Variants in EML2 observed in about 807,000 individuals in gnomAD.
The protein encoded by EML2 is echinoderm microtubule-associated protein-like 2.
In EML2, 59 loss-of-function variants were observed where a neutral mutation model predicts 84.7. The observed-to-expected ratio is 0.70, with a 90% CI of 0.56 to 0.86. The LOEUF is 0.86. Ranked by LOEUF, EML2 falls within the 40% of genes least tolerant of loss-of-function variation. The pLI is 0.00. For synonymous variants in EML2, 352 were observed against 348.9 expected (o/e 1.01, Z -0.10); for missense variants, 818 against 855.6 (o/e 0.96, Z 0.55).
At chr19:45,615,525 TAATAATAATAATAATA>T (rs1422597006) in intron 16 of EML2, among the ~76,000 whole-genome samples, 1 of 143,822 alleles carries the variant, frequency 7.0e-6, no homozygotes, top group Non-Finnish European at 1.5e-5. Context: ...CTCAAAATAA[TAATAATAATAATAATA>T]ATAATAATAA....
At chr19:45,645,472 C>T, upstream of EML2, 1 of 1,406,522 alleles carries the variant, frequency 7.1e-7, no homozygotes, top group Middle Eastern at 2.6e-4. Context: ...TGGCATCAGG[C>T]GGCCGGCGCC....
At chr19:45,642,574 G>C (rs1000933403), upstream of EML2, 105 of 1,338,558 alleles carry the variant, frequency 7.8e-5, no homozygotes, top group Admixed American at 2.1e-4. Context: ...CTCTGCCACA[G>C]CGCGCTGGCC....
chr19:45,630,660 A>G (rs1380056480), intron 6 of EML2, among the ~76,000 whole-genome samples: 1 of 152,026 alleles, frequency 6.6e-6, no homozygotes, highest in Non-Finnish European at 1.5e-5. Flanking sequence ...GTTTCATACT[A>G]TGCCTTGAAA....
intron 3 of EML2, among the ~76,000 whole-genome samples, chr19:45,636,183 AG>A (rs1281964755): frequency 6.6e-6 from 1 of 152,132 alleles, no homozygotes; most frequent in African/African-American, 2.4e-5. Flanking sequence ...CATGCTGCCC[AG>A]GCTGGTCTCA....
chr19:45,640,123 T>G (rs1181096297), upstream of EML2: 1 of 152,250 alleles, frequency 6.6e-6, no homozygotes, highest in African/African-American at 2.4e-5. Flanking sequence ...TTGAGCAGAG[T>G]TGAAATGTGC....
At chr19:45,643,640 T>C (rs2122857130), upstream of EML2, 1 of 1,535,990 alleles carries the variant, frequency 6.5e-7, no homozygotes, top group Non-Finnish European at 8.7e-7. Context: ...GAAGTAAAGG[T>C]GGTAGCTTAG....
chr19:45,630,081 A>G, intron 6 of EML2, 35 bp from the exon 7 acceptor site: 3 of 1,511,236 alleles, frequency 2.0e-6, no homozygotes, highest in Non-Finnish European at 2.7e-6. Context: ...GACAGAGGCA[A>G]GGGGAGTCAG....
At chr19:45,620,118 A>G (rs1331952327) in intron 11 of EML2, among the ~76,000 whole-genome samples, 2 of 152,098 alleles carry the variant, frequency 1.3e-5, no homozygotes, top group African/African-American at 4.8e-5. Context: ...AATATTTATA[A>G]CAAATTTTTT....
intron 14 of EML2, 70 bp from the exon 15 acceptor site, chr19:45,616,628 C>T (rs1452603792): frequency 7.1e-7 from 1 of 1,416,064 alleles, no homozygotes; most frequent in African/African-American, 1.4e-5. Context: ...GACTCAGCCC[C>T]CTCAACAGTC....
intron 8 of EML2, among the ~76,000 whole-genome samples, chr19:45,625,077 C>G (rs1972145198): frequency 6.6e-6 from 1 of 151,760 alleles, no homozygotes; most frequent in Non-Finnish European, 1.5e-5. Context: ...CCCCCTGACT[C>G]TTTCTTTTGA....
chr19:45,636,993 C>T (rs1421771626), intron 3 of EML2, among the ~76,000 whole-genome samples: 1 of 152,272 alleles, frequency 6.6e-6, no homozygotes, highest in Non-Finnish European at 1.5e-5. Flanking sequence ...TGAAACTGCT[C>T]TGACCTGCAG....
chr19:45,619,151 C>A lies in EML2; in HGVS notation c.1163G>T (p.Ser388Ile). 1 of 1,612,152 alleles carries A rather than the reference C, an allele frequency of 6.2e-7. No homozygotes were observed. The highest frequency in any genetic ancestry group is 8.5e-7 in the Non-Finnish European group (1 of 1,179,646). ...CCCGCAGGTCACAAACTGGGCCCGA[C>A]TGGGGTGTGTGGCCAGGCCCCACAG... is the stretch of plus-strand genomic sequence containing the variant. ...EELWGLATHP[S>I]RAQFVTCGQD... Residue 388 changes from serine to isoleucine, a missense_variant, in exon 12 of 19, where the codon AGT (serine) becomes ATT (isoleucine). Coordinates refer to ENST00000245925, the MANE Select transcript of EML2 (RefSeq NM_012155.4).
Position 45,613,564 on chromosome 19 carries a change from T to TA in EML2, c.1800dup (p.Ser601Ter). On this transcript the variant is annotated frameshift_variant, in exon 18 of 19. Transcript: ENST00000245925. LOFTEE classifies it high-confidence loss of function. ...ACTCGAGGCTGACAGCAGGGGTAGCTAAACAGGTGAACTTTGCCAAAGTCA... is the reference window on the plus strand; with the variant it reads ...ACTCGAGGCTGACAGCAGGGGTAGCTAAAACAGGTGAACTTTGCCAAAGTCA... 6.2e-7 allele frequency: 1 copy of TA among 1,614,024 alleles called. No homozygotes were observed. The highest frequency in any genetic ancestry group is 8.5e-7 in the Non-Finnish European group (1 of 1,179,986).
chr19:45,621,030 G>A, intron 11 of EML2, 177 bp downstream of exon 11: 1 of 973,448 alleles, frequency 1.0e-6, no homozygotes. Flanking sequence ...TGCTGTGCTT[G>A]GAGTTAAACT....
At chr19:45,617,830 C>G in intron 12 of EML2, 133 bp from the exon 13 acceptor site, 1 of 664,348 alleles carries the variant, frequency 1.5e-6, no homozygotes, top group Non-Finnish European at 2.6e-6. Context: ...TTGGGACACC[C>G]CCACCCCAGA....
chr19:45,638,479 C>T (rs1342964209), intron 3 of EML2, 26 bp downstream of exon 3: 1 of 1,613,546 alleles, frequency 6.2e-7, no homozygotes, highest in Admixed American at 1.7e-5. Flanking sequence ...GATGGGAGCA[C>T]CAAGGAGATT....
chr19:45,637,245 A>G (rs1396978840), intron 3 of EML2, among the ~76,000 whole-genome samples: 1 of 152,096 alleles, frequency 6.6e-6, no homozygotes, highest in East Asian at 1.9e-4. Context: ...TGGGGTGTGG[A>G]CTCCAAGCTC....
intron 18 of EML2, among the ~76,000 whole-genome samples, chr19:45,611,707 C>T (rs979769918): frequency 2.0e-5 from 3 of 152,048 alleles, no homozygotes; most frequent in African/African-American, 4.8e-5. Flanking sequence ...AGGCTAGTCT[C>T]GAACTGTTGA....
At chr19:45,635,227 C>T (rs1003700875) in intron 3 of EML2, among the ~76,000 whole-genome samples, 25 of 152,232 alleles carry the variant, frequency 1.6e-4, no homozygotes, top group Non-Finnish European at 2.4e-4. Flanking sequence ...CAACCTCCGC[C>T]TCCTGGGTTC....
Sources: gnomAD v4.1 joint callset for allele counts (sites outside exome capture counted in the v4.1 genomes callset) on GRCh38, gnomAD v4.1.1 for gene constraint, MANE v1.5 for transcripts, NCBI Gene and HGNC (gene_info 2026-07-23, HGNC 2026-07-21) for gene names.